Variants in GPCPD1 observed in about 807,000 individuals in gnomAD.
The protein encoded by GPCPD1 is glycerophosphocholine phosphodiesterase GPCPD1.
A neutral mutation model predicts 89.2 loss-of-function variants in GPCPD1; 29 were observed. That is an observed-to-expected ratio of 0.33 (90% confidence interval 0.24 to 0.44). The LOEUF (loss-of-function observed/expected upper bound fraction) is 0.44, where lower values mean the gene tolerates loss of function less well. GPCPD1 is among the 20% of genes least tolerant of loss of function. The pLI is 1.00. For missense variants in GPCPD1, 594 were observed against 808.9 expected, an observed-to-expected ratio of 0.73 and a Z score of 3.22; for synonymous variants, 258 against 266.3, an observed-to-expected ratio of 0.97 and a Z score of 0.30.
At chr20:5,599,924 A>G (rs1230721675) in intron 2 of GPCPD1, among the ~76,000 whole-genome samples, 1 of 152,238 alleles carries the variant, frequency 6.6e-6, no homozygotes, top group Non-Finnish European at 1.5e-5. Context: ...TTTAAAAGCC[A>G]ACATAAAGCT....
intron 17 of GPCPD1, 23 bp downstream of exon 17, chr20:5,559,917 A>G (rs1037742009): frequency 2.9e-6 from 4 of 1,397,928 alleles, no homozygotes; most frequent in Non-Finnish European, 3.9e-6. Context: ...AGAGTATAGG[A>G]AAAAATACAG....
intron 12 of GPCPD1, chr20:5,567,846 A>G (rs1333898299): frequency 3.9e-6 from 1 of 259,700 alleles, no homozygotes; most frequent in Non-Finnish European, 7.3e-6. Context: ...AAGACAGCTG[A>G]GGATAGAACC....
At chr20:5,599,702 G>A (rs1042052707) in intron 2 of GPCPD1, among the ~76,000 whole-genome samples, 1 of 151,710 alleles carries the variant, frequency 6.6e-6, no homozygotes, top group African/African-American at 2.4e-5. Context: ...TTACAAGTGC[G>A]CACCATCACA....
At chr20:5,554,317 T>G (rs1985622624) in intron 19 of GPCPD1, among the ~76,000 whole-genome samples, 1 of 152,098 alleles carries the variant, frequency 6.6e-6, no homozygotes, top group South Asian at 2.1e-4. Flanking sequence ...CAAAACAGCC[T>G]TCTATTGGAA....
At chr20:5,587,013 C>A (rs894005563) in intron 4 of GPCPD1, among the ~76,000 whole-genome samples, 1 of 152,084 alleles carries the variant, frequency 6.6e-6, no homozygotes, top group African/African-American at 2.4e-5. Flanking sequence ...TTATCAAGCT[C>A]CCCTACTAAA....
Position 5,570,427 on chromosome 20 carries a change from A to C in GPCPD1, c.1057-188T>G, listed in dbSNP as rs73896224. On this transcript the variant is annotated intron_variant, in intron 11 of 19. Coordinates refer to ENST00000379019, the MANE Select transcript of GPCPD1 (RefSeq NM_019593.5). ...AAAAGCACAGCTACTTTTTCCTGGC[A>C]AAAAAAAAAAAAAAAAAAAACGGAC... Among the ~76,000 whole-genome samples the C allele has an allele frequency of 4.1e-3, 113 of 27,822 alleles. No homozygotes were observed. Among genetic ancestry groups the C allele is most frequent in the East Asian group, 0.01 (6 of 580 alleles). 18.3% of individuals were successfully genotyped at this position (27,822 alleles called of 152,430 possible).
intron 2 of GPCPD1, among the ~76,000 whole-genome samples, chr20:5,603,112 G>A (rs374327262): frequency 2.6e-5 from 4 of 151,896 alleles, no homozygotes; most frequent in African/African-American, 7.2e-5. Flanking sequence ...GGACAAGATA[G>A]TGAAACCCTG....
intron 8 of GPCPD1, 51 bp from the exon 9 acceptor site, chr20:5,576,029 A>G (rs1330041096): frequency 1.2e-6 from 1 of 819,646 alleles, no homozygotes. Flanking sequence ...TCTACATTAC[A>G]TACATACATA....
chr20:5,573,086 C>CTTT (rs201953819), intron 11 of GPCPD1, among the ~76,000 whole-genome samples: 28,801 of 144,004 alleles, frequency 0.2, 2,997 homozygotes, highest in East Asian at 0.26. Flanking sequence ...ATCTTTCCTT[C>CTTT]TTTTTTTTTT....
chr20:5,579,387 G>A (rs771092748), intron 7 of GPCPD1, among the ~76,000 whole-genome samples: 3 of 151,820 alleles, frequency 2.0e-5, no homozygotes, highest in Non-Finnish European at 1.5e-5. Flanking sequence ...ACAGAGTCTC[G>A]CTCTGCCTGG....
intron 1 of GPCPD1, among the ~76,000 whole-genome samples, chr20:5,607,606 C>T (rs1237632132): frequency 1.3e-5 from 2 of 151,730 alleles, no homozygotes; most frequent in Non-Finnish European, 1.5e-5. Context: ...AAAAAGGCTT[C>T]CCTTCATCAA....
chr20:5,549,370 G>A, intron 19 of GPCPD1: 2 of 1,200,674 alleles, frequency 1.7e-6, no homozygotes, highest in Non-Finnish European at 2.4e-6. Context: ...ATATAGAGAG[G>A]GTATACAAGG....
intron 10 of GPCPD1, among the ~76,000 whole-genome samples, chr20:5,574,482 C>T (rs776852041): frequency 1.3e-5 from 2 of 152,122 alleles, no homozygotes; most frequent in Non-Finnish European, 1.5e-5. Flanking sequence ...CGCCTGTAAC[C>T]CCAGCACTTT....
chr20:5,588,907 C>G (rs1286762865), intron 4 of GPCPD1, among the ~76,000 whole-genome samples: 1 of 152,088 alleles, frequency 6.6e-6, no homozygotes. Flanking sequence ...AACGGCATAG[C>G]AGACTGTTTG....
chr20:5,565,294 A>G (rs1265539787), intron 14 of GPCPD1, among the ~76,000 whole-genome samples: 2 of 151,582 alleles, frequency 1.3e-5, no homozygotes, highest in Non-Finnish European at 2.9e-5. Flanking sequence ...TGGAATGATC[A>G]TTGCTCAATG....
intron 6 of GPCPD1, among the ~76,000 whole-genome samples, chr20:5,583,093 G>A (rs891185629): frequency 1.3e-5 from 2 of 151,784 alleles, no homozygotes; most frequent in Middle Eastern, 3.4e-3. Context: ...AATTAGCTGG[G>A]CATGCCTGTA....
chr20:5,558,494 C>G (rs1412984246), intron 18 of GPCPD1, among the ~76,000 whole-genome samples, 190 bp downstream of exon 18: 1 of 152,124 alleles, frequency 6.6e-6, no homozygotes, highest in African/African-American at 2.4e-5. Flanking sequence ...ATGCCTATAA[C>G]AAATTTTGTA....
chr20:5,607,321 G>A (rs1488799083), intron 1 of GPCPD1, among the ~76,000 whole-genome samples: 1 of 147,198 alleles, frequency 6.8e-6, no homozygotes, highest in African/African-American at 2.5e-5. Flanking sequence ...GGCCGGGCAT[G>A]GTGGCTCATG....
intron 2 of GPCPD1, among the ~76,000 whole-genome samples, chr20:5,602,176 C>T (rs1460139035): frequency 1.3e-5 from 2 of 152,222 alleles, no homozygotes; most frequent in African/African-American, 2.4e-5. Context: ...TATCCCCTTG[C>T]TGTCCCTCAG....
Sources: allele counts gnomAD v4.1 joint callset (sites outside exome capture counted in the v4.1 genomes callset), GRCh38; gene constraint gnomAD v4.1.1; transcripts MANE v1.5; gene names NCBI Gene and HGNC (gene_info 2026-07-23, HGNC 2026-07-21).